NWD2: variants seen among roughly 807,000 people sequenced by gnomAD.
NWD2 encodes the protein NACHT and WD repeat domain-containing protein 2.
In NWD2, 37 loss-of-function variants were observed where a neutral mutation model predicts 132.7. The ratio of observed to expected loss-of-function variants is 0.28; its 90% CI spans 0.21 to 0.37. NWD2 has a LOEUF of 0.37. NWD2 is among the 10% of genes least tolerant of loss of function. NWD2 has a pLI of 1.00. For missense variants in NWD2, 1,592 were observed against 2,122.4 expected (o/e 0.75, Z 4.91); for synonymous variants, 705 against 803.0 (o/e 0.88, Z 2.06).
intron 1 of NWD2, among the ~76,000 whole-genome samples, chr4:37,297,962 A>G (rs1412420249): frequency 1.3e-5 from 2 of 152,124 alleles, no homozygotes; most frequent in Non-Finnish European, 2.9e-5. Flanking sequence ...ACCCCCAGGA[A>G]CACCCCTAGG....
intron 3 of NWD2, among the ~76,000 whole-genome samples, chr4:37,363,325 T>A (rs1023244563): frequency 4.6e-5 from 7 of 152,112 alleles, no homozygotes; most frequent in Non-Finnish European, 1.0e-4. Flanking sequence ...AGAAAATAAG[T>A]CTTTCTACCA....
rs186774977 is a variant in NWD2 at position 37,298,198 on chromosome 4, G to A, written c.152-27738G>A. ...TAATAATTTTTATCTAAGAGGGTCA[G>A]AGGAATGGAGCAAAGCTGAGCCCAT... On this transcript the variant is annotated intron_variant, in intron 1 of 6. Coordinates refer to ENST00000309447, the MANE Select transcript of NWD2 (RefSeq NM_001144990.2). 6.2e-4 allele frequency among the ~76,000 whole-genome samples: 94 copies of A among 152,250 alleles called. No individual in the cohort carries two copies. The South Asian group carries it at 9.8e-3, about 16-fold the overall frequency.
chr4:37,316,063 T>C (rs1437264905), intron 1 of NWD2, among the ~76,000 whole-genome samples: 1 of 151,510 alleles, frequency 6.6e-6, no homozygotes, highest in Non-Finnish European at 1.5e-5. Flanking sequence ...GATCTACTTA[T>C]ATAGTCTTTT....
intron 3 of NWD2, among the ~76,000 whole-genome samples, 176 bp from the exon 4 acceptor site, chr4:37,430,396 A>G (rs1395459552): frequency 6.6e-6 from 1 of 152,248 alleles, no homozygotes; most frequent in Non-Finnish European, 1.5e-5. Context: ...GTTGTAATAT[A>G]GTTGATCTAA....
intron 3 of NWD2, among the ~76,000 whole-genome samples, chr4:37,373,650 A>G (rs576731945): frequency 1.1e-4 from 16 of 152,338 alleles, no homozygotes; most frequent in South Asian, 6.2e-4. Context: ...ACCCAATTCA[A>G]TCTACTAAAT....
intron 4 of NWD2, among the ~76,000 whole-genome samples, chr4:37,432,337 T>G (rs1712202190): frequency 6.8e-6 from 1 of 147,998 alleles, no homozygotes; most frequent in African/African-American, 2.5e-5. Flanking sequence ...GATAATTACG[T>G]TGAATAATAC....
At chr4:37,434,983 A>G (rs1276559796) in intron 5 of NWD2, among the ~76,000 whole-genome samples, 1 of 152,152 alleles carries the variant, frequency 6.6e-6, no homozygotes, top group Non-Finnish European at 1.5e-5. Flanking sequence ...ATTTAACATT[A>G]AAATAAAAAC....
At chr4:37,435,531 C>G (rs1308831486) in intron 5 of NWD2, among the ~76,000 whole-genome samples, 1 of 152,122 alleles carries the variant, frequency 6.6e-6, no homozygotes, top group Non-Finnish European at 1.5e-5. Context: ...TCAGGCTCTT[C>G]ACCTTTATCA....
chr4:37,438,714 A>G, intron 5 of NWD2, 87 bp from the exon 6 acceptor site: 2 of 823,454 alleles, frequency 2.4e-6, no homozygotes, highest in Non-Finnish European at 1.9e-6. Context: ...ATAATTTACC[A>G]CTAATGACTA....
At chr4:37,270,466 C>T (rs1307838626) in intron 1 of NWD2, among the ~76,000 whole-genome samples, 1 of 151,734 alleles carries the variant, frequency 6.6e-6, no homozygotes, top group Non-Finnish European at 1.5e-5. Flanking sequence ...AAGTCAGTAT[C>T]TTCTCATATC....
intron 3 of NWD2, among the ~76,000 whole-genome samples, chr4:37,365,593 A>G (rs1170395445): frequency 3.3e-5 from 5 of 152,244 alleles, no homozygotes; most frequent in Non-Finnish European, 7.3e-5. Flanking sequence ...GAAATCAACT[A>G]GTTATCATAG....
At chr4:37,423,141 C>G (rs540352284) in intron 3 of NWD2, among the ~76,000 whole-genome samples, 1 of 152,308 alleles carries the variant, frequency 6.6e-6, no homozygotes, top group South Asian at 2.1e-4. Context: ...ACCCTGCATA[C>G]AAGCGTGTAT....
chr4:37,267,256 T>C (rs2109261645), intron 1 of NWD2, among the ~76,000 whole-genome samples: 1 of 152,164 alleles, frequency 6.6e-6, no homozygotes. Context: ...CTTGCAAAGA[T>C]TCATTGTCAT....
intron 1 of NWD2, among the ~76,000 whole-genome samples, chr4:37,267,508 A>C (rs906582353): frequency 1.3e-5 from 2 of 151,918 alleles, no homozygotes; most frequent in African/African-American, 4.8e-5. Context: ...TACATTTTAA[A>C]ATGTGCCTCT....
chr4:37,245,325 C>A, intron 1 of NWD2, 107 bp downstream of exon 1: 1 of 1,306,352 alleles, frequency 7.7e-7, no homozygotes, highest in Non-Finnish European at 1.0e-6. Flanking sequence ...GCGCTCCCTT[C>A]CTCCAGCTAA....
intron 3 of NWD2, among the ~76,000 whole-genome samples, chr4:37,395,349 TCC>T (rs1720764917): frequency 2.0e-5 from 3 of 151,798 alleles, no homozygotes; most frequent in Admixed American, 2.0e-4. Flanking sequence ...GGGTTTGTTT[TCC>T]TTTTTGCATC....
intron 2 of NWD2, among the ~76,000 whole-genome samples, chr4:37,327,487 G>A (rs1560395886): frequency 6.6e-6 from 1 of 152,126 alleles, no homozygotes; most frequent in East Asian, 1.9e-4. Flanking sequence ...CACCGCAGTG[G>A]GCAGGGAAGA....
intron 3 of NWD2, among the ~76,000 whole-genome samples, chr4:37,424,543 A>C (rs1711936581): frequency 6.6e-6 from 1 of 152,222 alleles, no homozygotes; most frequent in Non-Finnish European, 1.5e-5. Context: ...AAAGAGAAAA[A>C]CAGACCCACC....
chr4:37,418,446 C>T (rs1459325075), intron 3 of NWD2, among the ~76,000 whole-genome samples: 1 of 151,958 alleles, frequency 6.6e-6, no homozygotes, highest in Non-Finnish European at 1.5e-5. Flanking sequence ...ATGTGGGCTA[C>T]ACATAATGAT....
Sources: gnomAD v4.1 joint callset for allele counts (sites outside exome capture counted in the v4.1 genomes callset) on GRCh38, gnomAD v4.1.1 for gene constraint, MANE v1.5 for transcripts, NCBI Gene and HGNC (gene_info 2026-07-23, HGNC 2026-07-21) for gene names.